Variants in KCND2 observed in about 807,000 individuals in gnomAD.
KCND2 encodes the protein potassium voltage-gated channel subfamily D member 2.
Under a neutral mutation model 54.4 loss-of-function variants are expected in KCND2, and 16 were observed. The ratio of observed to expected loss-of-function variants is 0.29; its 90% CI spans 0.20 to 0.45. The LOEUF (loss-of-function observed/expected upper bound fraction) is 0.45, where lower values mean the gene tolerates loss of function less well. Ranked by LOEUF, KCND2 falls within the 20% of genes least tolerant of loss-of-function variation. The probability of loss-of-function intolerance (pLI) is 1.00; values close to 1 mark genes in which losing one functional copy is unlikely to be tolerated. For synonymous variants in KCND2, 317 were observed against 310.7 expected, an observed-to-expected ratio of 1.02 and a Z score of -0.21; for missense variants, 486 against 824.2, an observed-to-expected ratio of 0.59 and a Z score of 5.02.
chr7:120,380,110 A>G (rs1038445613), intron 1 of KCND2, among the ~76,000 whole-genome samples: 2 of 152,128 alleles, frequency 1.3e-5, no homozygotes, highest in Non-Finnish European at 2.9e-5. Context: ...TATAGCAAGT[A>G]TCGTAAATCT....
intron 2 of KCND2, among the ~76,000 whole-genome samples, chr7:120,736,810 G>A (rs561623802): frequency 6.0e-5 from 9 of 150,994 alleles, no homozygotes; most frequent in East Asian, 3.9e-4. Context: ...TAAAGTCCAA[G>A]GCAAAAAAAT....
intron 1 of KCND2, among the ~76,000 whole-genome samples, chr7:120,324,376 T>G (rs1424883479): frequency 8.2e-5 from 12 of 145,580 alleles, no homozygotes; most frequent in Non-Finnish European, 1.8e-4. Flanking sequence ...TCCTTGCCCA[T>G]GCCTATGTCC....
At chr7:120,494,417 C>T (rs1478113599) in intron 1 of KCND2, among the ~76,000 whole-genome samples, 4 of 152,074 alleles carry the variant, frequency 2.6e-5, no homozygotes, top group Non-Finnish European at 5.9e-5. Context: ...CTTTAGATCA[C>T]ATTACAGAAG....
chr7:120,280,782 A>G (rs1799248245), intron 1 of KCND2, among the ~76,000 whole-genome samples: 1 of 152,090 alleles, frequency 6.6e-6, no homozygotes, highest in African/African-American at 2.4e-5. Flanking sequence ...TTTCTTCTGA[A>G]GACCCTAAAA....
At chr7:120,591,427 T>A (rs986435764) in intron 1 of KCND2, among the ~76,000 whole-genome samples, 2 of 152,178 alleles carry the variant, frequency 1.3e-5, no homozygotes, top group African/African-American at 4.8e-5. Flanking sequence ...AGAAAGAAGT[T>A]TATCCTCTCC....
At chr7:120,661,700 G>A (rs1029875211) in intron 1 of KCND2, among the ~76,000 whole-genome samples, 3 of 151,718 alleles carry the variant, frequency 2.0e-5, no homozygotes, top group Non-Finnish European at 4.4e-5. Context: ...GAAATACTCA[G>A]GTTTTCAGTG....
intron 1 of KCND2, among the ~76,000 whole-genome samples, chr7:120,317,593 T>C (rs934715689): frequency 6.6e-6 from 1 of 152,246 alleles, no homozygotes; most frequent in Admixed American, 6.5e-5. Context: ...TATTAGTTAC[T>C]AGTTACCCAA....
intron 1 of KCND2, among the ~76,000 whole-genome samples, chr7:120,408,446 A>G (rs931742873): frequency 6.6e-6 from 1 of 152,052 alleles, no homozygotes; most frequent in African/African-American, 2.4e-5. Context: ...ACCACAACAT[A>G]TAACATGTAA....
intron 1 of KCND2, among the ~76,000 whole-genome samples, chr7:120,556,710 C>CT (rs1375481143): frequency 4.6e-5 from 7 of 152,092 alleles, no homozygotes; most frequent in Admixed American, 1.3e-4. Context: ...ATTTATTACA[C>CT]TTTTGCACAG....
intron 1 of KCND2, among the ~76,000 whole-genome samples, chr7:120,458,052 C>G (rs540102157): frequency 6.6e-6 from 1 of 152,254 alleles, no homozygotes; most frequent in South Asian, 2.1e-4. Context: ...ATAAAACCAT[C>G]AGATCTCATG....
In KCND2 at chr7:120,283,328, AG is replaced by A. The variant is rs1799292703; in HGVS notation, c.1115+7586del. Among the ~76,000 whole-genome samples the A allele has an allele frequency of 2.0e-5, 3 of 152,278 alleles. No homozygotes were observed. In the South Asian group the frequency reaches 6.2e-4, roughly 32 times the overall value. On this transcript the variant is annotated intron_variant, in intron 1 of 5. Coordinates refer to ENST00000331113, the MANE Select transcript of KCND2 (RefSeq NM_012281.3). The stretch of plus-strand genomic sequence containing the variant: ...GACTTCTGATTTCATTTAAGATGAA[AG>A]GGGGAGCCATTAGAGAGTTGTGAGC...
At chr7:120,403,352 G>A (rs1469943861) in intron 1 of KCND2, among the ~76,000 whole-genome samples, 2 of 149,876 alleles carry the variant, frequency 1.3e-5, no homozygotes, top group Admixed American at 6.7e-5. Context: ...AGTCTCCCTC[G>A]GTCACCCAGG....
intron 1 of KCND2, among the ~76,000 whole-genome samples, chr7:120,473,598 A>C (rs1005953418): frequency 6.6e-6 from 1 of 152,212 alleles, no homozygotes; most frequent in Non-Finnish European, 1.5e-5. Flanking sequence ...ACTCCTGCTT[A>C]GCAGCGATGT....
At chr7:120,284,040 C>A (rs1044888644) in intron 1 of KCND2, among the ~76,000 whole-genome samples, 2 of 152,012 alleles carry the variant, frequency 1.3e-5, no homozygotes, top group Non-Finnish European at 2.9e-5. Context: ...ATTGGAAATA[C>A]ATGGGTTTGG....
chr7:120,749,049 T>G lies in KCND2; in HGVS notation c.*1191T>G, dbSNP rs2116200114. ...CAGATACTGGATATATCACTATGTA[T>G]TTTATGAACAGAATTGACTGGGACT... On this transcript the variant is annotated 3_prime_UTR_variant, in exon 6 of 6. Coordinates refer to ENST00000331113, the MANE Select transcript of KCND2 (RefSeq NM_012281.3). 6.6e-6 allele frequency: 1 copy of G among 152,092 alleles called. No individual in the cohort carries two copies. Among genetic ancestry groups the G allele is most frequent in the South Asian group, 2.1e-4 (1 of 4,832 alleles). 9.4% of individuals were successfully genotyped at this position (152,092 alleles called of 1,614,324 possible). A position where few individuals can be genotyped will look rare whatever the true frequency, so the allele number is the denominator to read the frequency against.
chr7:120,279,727 A>G (rs1299446358), intron 1 of KCND2, among the ~76,000 whole-genome samples: 1 of 151,916 alleles, frequency 6.6e-6, no homozygotes, highest in African/African-American at 2.4e-5. Flanking sequence ...TTTTCACTTA[A>G]ATTTTCATAG....
chr7:120,477,523 C>T (rs942942503), intron 1 of KCND2, among the ~76,000 whole-genome samples: 1 of 152,026 alleles, frequency 6.6e-6, no homozygotes, highest in Admixed American at 6.6e-5. Context: ...ACAAAGGGGG[C>T]ACTCATCATA....
At chr7:120,538,476 T>C (rs1791939073) in intron 1 of KCND2, among the ~76,000 whole-genome samples, 1 of 152,166 alleles carries the variant, frequency 6.6e-6, no homozygotes, top group African/African-American at 2.4e-5. Context: ...CAACTATGAT[T>C]GCCACCAAAA....
At chr7:120,550,124 C>T (rs1792088393) in intron 1 of KCND2, among the ~76,000 whole-genome samples, 1 of 151,920 alleles carries the variant, frequency 6.6e-6, no homozygotes. Flanking sequence ...CACCCTGCCA[C>T]CCCCACTCCA....
Sources: allele counts gnomAD v4.1 joint callset (sites outside exome capture counted in the v4.1 genomes callset), GRCh38; gene constraint gnomAD v4.1.1; transcripts MANE v1.5; gene names NCBI Gene and HGNC (gene_info 2026-07-23, HGNC 2026-07-21).